Variants in ASCC3 observed in about 807,000 individuals in gnomAD.
The protein encoded by ASCC3 is activating signal cointegrator 1 complex subunit 3, also known as ASC-1 complex subunit P200.
Under a neutral mutation model 256.3 loss-of-function variants are expected in ASCC3, and 158 were observed. The ratio of observed to expected loss-of-function variants is 0.62; its 90% confidence interval spans 0.54 to 0.70. The LOEUF (loss-of-function observed/expected upper bound fraction) is 0.70. Ranked by LOEUF, ASCC3 falls within the 30% of genes least tolerant of loss-of-function variation. The pLI, the probability that ASCC3 is intolerant of heterozygous loss-of-function variation, is 0.00. For missense variants in ASCC3, 2,259 were observed against 2,626.0 expected, an observed-to-expected ratio of 0.86 and a Z score of 3.05; for synonymous variants, 948 against 883.4, an observed-to-expected ratio of 1.07 and a Z score of -1.30.
intron 11 of ASCC3, among the ~76,000 whole-genome samples, chr6:100,718,454 C>T (rs969088939): frequency 4.6e-5 from 7 of 151,912 alleles, no homozygotes; most frequent in African/African-American, 1.7e-4. Flanking sequence ...TCCATACCCA[C>T]TATAATTAAA....
At chr6:100,809,986 C>T (rs574802537) in intron 4 of ASCC3, among the ~76,000 whole-genome samples, 3 of 152,166 alleles carry the variant, frequency 2.0e-5, no homozygotes, top group East Asian at 1.9e-4. Context: ...TATACTAACA[C>T]GCAAATCTGT....
intron 37 of ASCC3, among the ~76,000 whole-genome samples, chr6:100,522,592 G>C (rs1774365454): frequency 6.6e-6 from 1 of 151,874 alleles, no homozygotes; most frequent in African/African-American, 2.4e-5. Context: ...GCATGGAGCA[G>C]AGACAGGGGA....
At chr6:100,787,539 T>A (rs1472299) in intron 8 of ASCC3, among the ~76,000 whole-genome samples, 1 of 152,114 alleles carries the variant, frequency 6.6e-6, no homozygotes, top group Non-Finnish European at 1.5e-5. Flanking sequence ...ACGATTCATA[T>A]GGAAAATCGA....
intron 8 of ASCC3, among the ~76,000 whole-genome samples, chr6:100,777,610 G>T (rs762434417): frequency 5.3e-5 from 8 of 152,132 alleles, no homozygotes; most frequent in Non-Finnish European, 1.0e-4. Flanking sequence ...TGCCTCAAGA[G>T]AGGTGATCTG....
intron 3 of ASCC3, among the ~76,000 whole-genome samples, chr6:100,855,772 T>C (rs62422112): frequency 0.014 from 2,150 of 152,290 alleles, 19 homozygotes; most frequent in Non-Finnish European, 0.024. Context: ...TATAATAAAA[T>C]TATTAATTGA....
chr6:100,673,687 G>A (rs1004436879), intron 14 of ASCC3, among the ~76,000 whole-genome samples: 2 of 152,162 alleles, frequency 1.3e-5, no homozygotes, highest in African/African-American at 4.8e-5. Context: ...CCACAACAAT[G>A]TCCCTTGATT....
At chr6:100,532,402 A>AT (rs1774952042) in intron 37 of ASCC3, among the ~76,000 whole-genome samples, 3 of 62,372 alleles carry the variant, frequency 4.8e-5, no homozygotes, top group East Asian at 6.0e-4. Flanking sequence ...ATATATATAT[A>AT]TATATTTTTT....
At position 100,841,064 on chromosome 6, in the gene ASCC3, T is replaced by C. The variant is rs183894770; in HGVS notation, c.801+7084A>G. Among the ~76,000 whole-genome samples the C allele has an allele frequency of 7.2e-5, 11 of 151,966 alleles. No individual in the cohort carries two copies. The East Asian group carries it at 2.1e-3, about 29-fold the overall frequency. On this transcript the variant is annotated intron_variant, in intron 4 of 41. Transcript: ENST00000369162. ...TGGCAAAATCACAATAAGAAACAAA[T>C]CAAAAAATGTTCTTTCCTTCGGAAA...
intron 13 of ASCC3, among the ~76,000 whole-genome samples, chr6:100,682,564 C>T (rs1044821240): frequency 6.6e-6 from 1 of 152,164 alleles, no homozygotes; most frequent in Non-Finnish European, 1.5e-5. Flanking sequence ...CATGGAGCTA[C>T]TTGGTTTTCT....
At chr6:100,830,040 A>C (rs1771545408) in intron 4 of ASCC3, among the ~76,000 whole-genome samples, 2 of 152,060 alleles carry the variant, frequency 1.3e-5, no homozygotes, top group African/African-American at 2.4e-5. Flanking sequence ...GCAAGATGGT[A>C]CAAGACTACC....
intron 10 of ASCC3, among the ~76,000 whole-genome samples, chr6:100,755,828 A>T (rs186895515): frequency 1.3e-4 from 20 of 152,308 alleles, no homozygotes; most frequent in Non-Finnish European, 2.2e-4. Flanking sequence ...GACAAACTAC[A>T]TGTATCAAGA....
Position 100,530,898 on chromosome 6 carries a change from TACCA to T in ASCC3, c.5775+9261_5775+9264del. 2.3e-6 allele frequency: 3 copies of T among 1,280,548 alleles called. 1 individual carries two copies. In the South Asian group the frequency reaches 3.6e-5, roughly 15 times the overall value. The allele number at this position is 1,280,548 out of a possible 1,614,324, so 79.3% of individuals were successfully genotyped here. A position where few individuals can be genotyped will look rare whatever the true frequency, so the allele number is the denominator to read the frequency against. Reference sequence around the variant, plus strand: ...TTTGTGGAACATCACAAACAATCAATACCAAAAGACACTTGGAATCTTCTTTTAG... The same window carrying T: ...TTTGTGGAACATCACAAACAATCAATAAAGACACTTGGAATCTTCTTTTAG... On this transcript the variant is annotated intron_variant, in intron 37 of 41. Transcript: ENST00000369162.
chr6:100,756,336 T>C (rs2115104787), intron 10 of ASCC3, among the ~76,000 whole-genome samples: 1 of 152,246 alleles, frequency 6.6e-6, no homozygotes, highest in Non-Finnish European at 1.5e-5. Flanking sequence ...TGTTTCTCTA[T>C]TTTCAACTTT....
chr6:100,773,338 T>C (rs1055537109), intron 8 of ASCC3, among the ~76,000 whole-genome samples: 15 of 152,180 alleles, frequency 9.9e-5, no homozygotes, highest in African/African-American at 2.9e-4. Context: ...CCAGTTTTTA[T>C]AGACTTATGA....
intron 4 of ASCC3, among the ~76,000 whole-genome samples, chr6:100,824,681 TAAATA>T (rs986222547): frequency 6.6e-6 from 1 of 151,624 alleles, no homozygotes; most frequent in African/African-American, 2.4e-5. Context: ...GAAGACATAT[TAAATA>T]AAATAAATTA....
At chr6:100,781,577 A>G (rs1247115086) in intron 8 of ASCC3, among the ~76,000 whole-genome samples, 3 of 144,976 alleles carry the variant, frequency 2.1e-5, no homozygotes, top group Non-Finnish European at 4.5e-5. Flanking sequence ...TTTAGTAGAG[A>G]CACGGTTTCA....
chr6:100,634,758 A>T (rs1293920269), intron 25 of ASCC3, among the ~76,000 whole-genome samples: 5 of 151,698 alleles, frequency 3.3e-5, no homozygotes, highest in African/African-American at 9.7e-5. Flanking sequence ...ATGTGGCACA[A>T]ACCTGTAGTC....
intron 34 of ASCC3, among the ~76,000 whole-genome samples, chr6:100,590,923 A>G (rs1457971655): frequency 6.6e-6 from 1 of 152,148 alleles, no homozygotes; most frequent in Non-Finnish European, 1.5e-5. Context: ...TTCATTAGAA[A>G]GAAAAGTTAG....
At chr6:100,685,205 A>G (rs1249758250) in intron 13 of ASCC3, among the ~76,000 whole-genome samples, 1 of 152,226 alleles carries the variant, frequency 6.6e-6, no homozygotes, top group Admixed American at 6.5e-5. Context: ...GTCCCACAGA[A>G]AAAATGTTGC....
Sources: allele counts gnomAD v4.1 joint callset (sites outside exome capture counted in the v4.1 genomes callset), GRCh38; gene constraint gnomAD v4.1.1; transcripts MANE v1.5; gene names NCBI Gene and HGNC (gene_info 2026-07-23, HGNC 2026-07-21).